Variants in CCDC110 observed in about 807,000 individuals in gnomAD.
The protein encoded by CCDC110 is coiled-coil domain-containing protein 110.
Under a neutral mutation model 77.1 loss-of-function variants are expected in CCDC110, and 70 were observed. That is an observed-to-expected ratio of 0.91 (90% CI 0.75 to 1.11). The LOEUF (loss-of-function observed/expected upper bound fraction) is 1.11. Among genes scored for constraint, CCDC110 ranks in the 50% least tolerant of loss-of-function variants. The probability of loss-of-function intolerance (pLI) is 0.00; values close to 1 mark genes in which losing one functional copy is unlikely to be tolerated. For synonymous variants in CCDC110, 295 were observed against 312.5 expected, an observed-to-expected ratio of 0.94 and a Z score of 0.59; for missense variants, 868 against 942.9, an observed-to-expected ratio of 0.92 and a Z score of 1.04.
chr4:185,465,818 A>T (rs749234327), intron 2 of CCDC110, among the ~76,000 whole-genome samples: 4 of 152,138 alleles, frequency 2.6e-5, no homozygotes, highest in African/African-American at 7.2e-5. Flanking sequence ...TACTTTGGAG[A>T]TGAAGCCAGC....
chr4:185,465,467 C>T (rs981137853), intron 2 of CCDC110, among the ~76,000 whole-genome samples: 2 of 152,094 alleles, frequency 1.3e-5, no homozygotes, highest in Admixed American at 6.5e-5. Flanking sequence ...TTTGGCCTCA[C>T]CGTGATTGCA....
chr4:185,455,521 G>A (rs182504283), intron 6 of CCDC110, among the ~76,000 whole-genome samples: 81 of 152,272 alleles, frequency 5.3e-4, no homozygotes, highest in Non-Finnish European at 8.5e-4. Context: ...GATAATGAAG[G>A]TTATTTCATA....
At position 185,458,408 on chromosome 4, in the gene CCDC110, G is replaced by T; in HGVS notation, c.2179C>A (p.Gln727Lys). Residue 727 changes from glutamine (Q) to lysine (K), a missense_variant, in exon 6 of 7, where the codon CAA becomes AAA. Physicochemically the swap from Gln to Lys is moderately conservative, Grantham distance 53. Coordinates refer to ENST00000307588, the MANE Select transcript of CCDC110 (RefSeq NM_152775.4). Reference protein sequence around the residue: ...ILKEELKKHSQENIKFENSIS... With the variant: ...ILKEELKKHSKENIKFENSIS... ...CTGTTTTCAAATTTTATATTTTCTT[G>T]ACTATGTTTCTTTAGTTCTTCTTTT... 6.3e-7 allele frequency: 1 copy of T among 1,593,948 alleles called. No individual in the cohort carries two copies. Among genetic ancestry groups the T allele is most frequent in the South Asian group, 1.2e-5 (1 of 86,538 alleles).
In CCDC110 at chr4:185,445,454, A is replaced by G; in HGVS notation, c.*48T>C. The G allele has an allele frequency of 7.6e-7, 1 of 1,316,930 alleles. No homozygotes were observed. The highest frequency in any genetic ancestry group is 1.5e-5 in the African/African-American group (1 of 68,056). 81.6% of individuals were successfully genotyped at this position (1,316,930 alleles called of 1,614,324 possible). Reference sequence around the variant, plus strand: ...GCATAGTTCAGTTAGCAGTACAATTAACATTGGCTATTTCTCGAAGGGAGT... The same window carrying G: ...GCATAGTTCAGTTAGCAGTACAATTGACATTGGCTATTTCTCGAAGGGAGT... On this transcript the variant is annotated 3_prime_UTR_variant, in exon 7 of 7. Coordinates refer to ENST00000307588, the MANE Select transcript of CCDC110 (RefSeq NM_152775.4).
chr4:185,459,000 A>G lies in CCDC110; in HGVS notation c.1587T>C (p.Asn529=). The change falls in exon 6 of 7, where the codon AAT becomes AAC. Residue 529 remains asparagine (N), a synonymous_variant. Transcript: ENST00000307588. ...GTTGCTTCTCTAAAGAAAGTTGTAT[A>G]TTTTTTTCCTCTAGAGTTTTATTTT... ...QGQNKTLEEK[N]IQLSLEKQQM... 1 of 1,599,794 alleles carries G rather than the reference A, an allele frequency of 6.3e-7. No individual in the cohort carries two copies. Among genetic ancestry groups the G allele is most frequent in the Non-Finnish European group, 8.5e-7 (1 of 1,176,140 alleles).
chr4:185,457,467 A>G (rs994469887), intron 6 of CCDC110: 5 of 360,894 alleles, frequency 1.4e-5, no homozygotes, highest in South Asian at 1.1e-4. Context: ...CAATGCAAAC[A>G]TGCTGATTCC....
intron 6 of CCDC110, among the ~76,000 whole-genome samples, chr4:185,448,282 A>G (rs1036816656): frequency 4.6e-5 from 7 of 151,354 alleles, no homozygotes; most frequent in African/African-American, 1.7e-4. Context: ...CAGCCTCCCA[A>G]AGTGCTGGGA....
intron 6 of CCDC110, chr4:185,449,749 C>A: frequency 1.4e-6 from 1 of 698,696 alleles, no homozygotes; most frequent in Non-Finnish European, 2.3e-6. Flanking sequence ...ATAGCTCAAG[C>A]AGTTAAAAGA....
At chr4:185,463,389 C>T (rs1055597747) in intron 2 of CCDC110, among the ~76,000 whole-genome samples, 5 of 152,170 alleles carry the variant, frequency 3.3e-5, no homozygotes, top group Admixed American at 3.3e-4. Context: ...ATGGGAGACC[C>T]TTGGCAAAGT....
rs1345712262 is a variant in CCDC110 at position 185,471,716 on chromosome 4, G to T, written c.-33C>A. ...GCTCATCTCTCTCGCAACCGCCGCC[G>T]CACGCACCCGCTCCGCCGCCCCGCG... On this transcript the variant is annotated 5_prime_UTR_variant, in exon 1 of 7. Transcript: ENST00000307588. 1 of 1,527,190 alleles carries T rather than the reference G, an allele frequency of 6.5e-7. No homozygotes were observed. 94.6% of individuals were successfully genotyped at this position (1,527,190 alleles called of 1,614,324 possible). A position where few individuals can be genotyped will look rare whatever the true frequency, so the allele number is the denominator to read the frequency against.
intron 6 of CCDC110, among the ~76,000 whole-genome samples, chr4:185,447,148 T>C (rs956338152): frequency 6.6e-6 from 1 of 152,122 alleles, no homozygotes; most frequent in Non-Finnish European, 1.5e-5. Flanking sequence ...ATGATAGTTA[T>C]TTTGTTACAT....
Position 185,460,086 on chromosome 4 carries a change from C to T in CCDC110, c.501G>A (p.Glu167=). ...TTGAAGTTCTCAGAGTTAATGTGTC[C>T]TCGGAATGTATCTGGGATGGAACAT... ...SVNVPSQIHS[E]DTLTLRTSTD... The change falls in exon 6 of 7, where the codon GAG becomes GAA. Residue 167 remains glutamate (E), a synonymous_variant. Coordinates refer to ENST00000307588, the MANE Select transcript of CCDC110 (RefSeq NM_152775.4). The T allele has an allele frequency of 6.2e-7, 1 of 1,613,704 alleles. No homozygotes were observed. The highest frequency in any genetic ancestry group is 8.5e-7 in the Non-Finnish European group (1 of 1,179,918).
intron 4 of CCDC110, among the ~76,000 whole-genome samples, chr4:185,461,635 G>A (rs1431002606): frequency 6.6e-6 from 1 of 152,218 alleles, no homozygotes; most frequent in Admixed American, 6.5e-5. Context: ...TCTTCTGGAT[G>A]AAGCGTGGTT....
chr4:185,457,254 C>T (rs1198890720), intron 6 of CCDC110: 1 of 456,122 alleles, frequency 2.2e-6, no homozygotes, highest in Non-Finnish European at 4.4e-6. Context: ...GAGCACAGAA[C>T]AGGTGTGCTT....
intron 2 of CCDC110, among the ~76,000 whole-genome samples, chr4:185,466,615 G>T (rs2095656692): frequency 6.6e-6 from 1 of 151,786 alleles, no homozygotes; most frequent in Non-Finnish European, 1.5e-5. Flanking sequence ...TGTTGCCCAG[G>T]CTGGAGTGCA....
chr4:185,471,463 C>G, intron 1 of CCDC110: 1 of 497,186 alleles, frequency 2.0e-6, no homozygotes. Context: ...GCGGCGGCGG[C>G]AGACCACGTA....
intron 6 of CCDC110, among the ~76,000 whole-genome samples, chr4:185,446,030 G>A (rs112379492): frequency 5.1e-4 from 78 of 152,008 alleles, no homozygotes; most frequent in African/African-American, 1.5e-3. Flanking sequence ...TAGTAGAGAC[G>A]GAGTTTCTCC....
At chr4:185,467,511 A>G (rs2095658444) in intron 2 of CCDC110, among the ~76,000 whole-genome samples, 1 of 152,212 alleles carries the variant, frequency 6.6e-6, no homozygotes, top group South Asian at 2.1e-4. Flanking sequence ...AGGCACATAA[A>G]CAAAGCGGAA....
intron 6 of CCDC110, chr4:185,449,906 C>T: frequency 3.6e-6 from 1 of 279,818 alleles, no homozygotes; most frequent in Non-Finnish European, 6.6e-6. Context: ...TCCCGGAGTG[C>T]AATCTGTCAT....
Sources: gnomAD v4.1 joint callset for allele counts (sites outside exome capture counted in the v4.1 genomes callset) on GRCh38, gnomAD v4.1.1 for gene constraint, MANE v1.5 for transcripts, NCBI Gene and HGNC (gene_info 2026-07-23, HGNC 2026-07-21) for gene names.